Variants in PDE11A observed in about 807,000 individuals in gnomAD.
The protein encoded by PDE11A is phosphodiesterase 11A, also known as dual 3',5'-cyclic-AMP and -GMP phosphodiesterase 11A.
A neutral mutation model predicts 100.5 loss-of-function variants in PDE11A; 100 were observed. The observed-to-expected ratio is 1.00, with a 90% CI of 0.85 to 1.18. The LOEUF (loss-of-function observed/expected upper bound fraction) is 1.18. Ranked by LOEUF, PDE11A falls within the 50% of genes most tolerant of loss-of-function variation. The pLI is 0.00. For synonymous variants in PDE11A, 381 were observed against 420.8 expected (o/e 0.91, Z 1.16); for missense variants, 1,141 against 1,152.6 (o/e 0.99, Z 0.15).
intron 5 of PDE11A, among the ~76,000 whole-genome samples, chr2:177,850,722 G>A (rs770287454): frequency 4.4e-4 from 67 of 152,222 alleles, no homozygotes; most frequent in Non-Finnish European, 7.5e-4. Flanking sequence ...AAAAGTGGGC[G>A]AAGGATATGA....
At chr2:177,801,300 C>G (rs2082790299) in intron 9 of PDE11A, among the ~76,000 whole-genome samples, 1 of 152,048 alleles carries the variant, frequency 6.6e-6, no homozygotes, top group Non-Finnish European at 1.5e-5. Context: ...TATTTGTTTA[C>G]TTGTCTACTG....
chr2:178,025,802 T>C (rs959775), intron 1 of PDE11A, among the ~76,000 whole-genome samples: 144,170 of 152,258 alleles, frequency 0.95, 68,761 homozygotes, highest in East Asian at 1. Flanking sequence ...GAAGAAAGAG[T>C]TATGGGAAGG....
intron 2 of PDE11A, among the ~76,000 whole-genome samples, chr2:177,906,234 C>A (rs1367064434): frequency 6.6e-6 from 1 of 152,028 alleles, no homozygotes; most frequent in Non-Finnish European, 1.5e-5. Flanking sequence ...AGGTAACAAG[C>A]GCTGGCAAAA....
intron 10 of PDE11A, among the ~76,000 whole-genome samples, chr2:177,760,744 A>T (rs1273419284): frequency 6.6e-6 from 1 of 152,210 alleles, no homozygotes; most frequent in Non-Finnish European, 1.5e-5. Context: ...ATGGTCTTAC[A>T]AAGACTGTTA....
chr2:177,674,414 A>C (rs1238962559), intron 17 of PDE11A, among the ~76,000 whole-genome samples: 1 of 152,206 alleles, frequency 6.6e-6, no homozygotes, highest in Non-Finnish European at 1.5e-5. Flanking sequence ...CTTGGACAGA[A>C]TTCGTTCCTT....
intron 3 of PDE11A, among the ~76,000 whole-genome samples, chr2:177,898,648 T>C (rs890849956): frequency 1.3e-5 from 2 of 152,240 alleles, no homozygotes; most frequent in Admixed American, 6.5e-5. Flanking sequence ...TCTTCACTGT[T>C]GATCTTCATT....
rs994880860 is a variant in PDE11A, at chr2:177,899,759, C to T, written c.1162-1561G>A. On this transcript the variant is annotated intron_variant, in intron 3 of 19. Transcript: ENST00000286063. ...CCTTCATATATATAAAATATATATA[C>T]CCTCCATATACAAAAATATACATAT... Among the ~76,000 whole-genome samples, 9 of 147,890 alleles carry T rather than the reference C, an allele frequency of 6.1e-5. No individual in the cohort carries two copies. The South Asian group carries it at 1.9e-3, about 31-fold the overall frequency.
intron 15 of PDE11A, among the ~76,000 whole-genome samples, chr2:177,685,524 T>C (rs1451254319): frequency 2.0e-5 from 3 of 152,176 alleles, no homozygotes; most frequent in African/African-American, 4.8e-5. Flanking sequence ...GACTAACTCA[T>C]TGCAGAAAAC....
chr2:177,988,548 A>T (rs2085966649), intron 2 of PDE11A, among the ~76,000 whole-genome samples: 1 of 152,216 alleles, frequency 6.6e-6, no homozygotes, highest in Non-Finnish European at 1.5e-5. Context: ...TGCTTAGAAG[A>T]GTCCTGTGCT....
chr2:178,064,258 A>C (rs746622319), intron 1 of PDE11A, among the ~76,000 whole-genome samples: 3 of 152,206 alleles, frequency 2.0e-5, no homozygotes, highest in Non-Finnish European at 2.9e-5. Flanking sequence ...TTCAATTGTC[A>C]GGCAAATGGA....
rs564875557 is a variant in PDE11A, at chr2:178,097,552, G to A, written c.162+6750C>T. Among the ~76,000 whole-genome samples the A allele has an allele frequency of 8.1e-4, 124 of 152,226 alleles. 1 individual carries two copies. The highest frequency in any genetic ancestry group is 2.9e-3 in the African/African-American group (120 of 41,530). On this transcript the variant is annotated intron_variant, in intron 2 of 20. Coordinates refer to the PDE11A transcript ENST00000358450. The stretch of plus-strand genomic sequence containing the variant: ...TCACCTCCCACCCGGTCCCTCCCTC[G>A]ACATGTGAGGATTATGGGGATTATA...
intron 5 of PDE11A, among the ~76,000 whole-genome samples, chr2:177,866,661 T>C (rs2084035117): frequency 6.6e-6 from 1 of 152,242 alleles, no homozygotes; most frequent in Non-Finnish European, 1.5e-5. Context: ...TGTCTGCATG[T>C]GTCTCTGGGA....
Position 177,711,871 on chromosome 2 carries a change from C to T in PDE11A, c.2051G>A (p.Gly684Glu), listed in dbSNP as rs1402240244. Residue 684 changes from glycine to glutamate, a missense_variant, in exon 13 of 20, where the codon GGG becomes GAG. Physicochemically the swap from Gly to Glu is moderately conservative, Grantham distance 98 (BLOSUM62 -2). Coordinates refer to ENST00000286063, the MANE Select transcript of PDE11A (RefSeq NM_016953.4). ...QLMFAMLTTA[G>E]FQDILTEVEI... Reference sequence around the variant, plus strand: ...CACCTCGGTCAGAATGTCTTGAAACCCAGCAGTCTGGGAAGAAGGGGAAAA... The same window carrying T: ...CACCTCGGTCAGAATGTCTTGAAACTCAGCAGTCTGGGAAGAAGGGGAAAA... 2 of 1,597,740 alleles carry T rather than the reference C, an allele frequency of 1.3e-6. No individual in the cohort carries two copies. The highest frequency in any genetic ancestry group is 1.7e-6 in the Non-Finnish European group (2 of 1,165,264).
intron 2 of PDE11A, among the ~76,000 whole-genome samples, chr2:177,911,079 C>T (rs1443620964): frequency 6.6e-6 from 1 of 151,012 alleles, no homozygotes; most frequent in Non-Finnish European, 1.5e-5. Context: ...ATTCTGAAAA[C>T]AGGACTCTTA....
At chr2:177,909,640 T>G (rs149793553) in intron 2 of PDE11A, among the ~76,000 whole-genome samples, 224 of 152,326 alleles carry the variant, frequency 1.5e-3, no homozygotes, top group African/African-American at 4.8e-3. Flanking sequence ...TTGTTATTAT[T>G]AATGTTTGTT....
chr2:177,949,376 C>G (rs759106210), intron 2 of PDE11A, among the ~76,000 whole-genome samples: 1 of 152,184 alleles, frequency 6.6e-6, no homozygotes, highest in South Asian at 2.1e-4. Context: ...CCCACACTTA[C>G]TGAAGTGTGG....
chr2:177,859,486 G>A (rs1195317076), intron 5 of PDE11A, among the ~76,000 whole-genome samples: 1 of 151,536 alleles, frequency 6.6e-6, no homozygotes, highest in Admixed American at 6.6e-5. Context: ...AAGGTTGAGA[G>A]AACTGAAAGG....
chr2:178,059,693 G>C (rs1302293923), intron 1 of PDE11A, among the ~76,000 whole-genome samples: 3 of 152,288 alleles, frequency 2.0e-5, no homozygotes, highest in Non-Finnish European at 4.4e-5. Flanking sequence ...CCATTCTGAA[G>C]AGTGAAAACT....
chr2:178,069,333 G>GA (rs555778676), intron 1 of PDE11A, among the ~76,000 whole-genome samples: 1,756 of 150,770 alleles, frequency 0.012, 29 homozygotes, highest in African/African-American at 0.038. Context: ...CCATAATAAA[G>GA]AAAAAAAAGT....
Sources: gnomAD v4.1 joint callset for allele counts (sites outside exome capture counted in the v4.1 genomes callset) on GRCh38, gnomAD v4.1.1 for gene constraint, MANE v1.5 for transcripts, NCBI Gene and HGNC (gene_info 2026-07-23, HGNC 2026-07-21) for gene names.